Variants in DLGAP1 observed in about 807,000 individuals in gnomAD.
DLGAP1 encodes the protein disks large-associated protein 1.
In DLGAP1, 11 loss-of-function variants were observed where a neutral mutation model predicts 90.8. The ratio of observed to expected loss-of-function variants is 0.12; its 90% confidence interval spans 0.08 to 0.20. DLGAP1 has a LOEUF of 0.20. Ranked by LOEUF, DLGAP1 falls within the 10% of genes least tolerant of loss-of-function variation. DLGAP1 has a pLI of 1.00. For synonymous variants in DLGAP1, 558 were observed against 540.7 expected (o/e 1.03, Z -0.44); for missense variants, 1,050 against 1,333.8 (o/e 0.79, Z 3.31).
intron 1 of DLGAP1, among the ~76,000 whole-genome samples, chr18:4,317,022 C>T (rs545626036): frequency 6.6e-6 from 1 of 152,122 alleles, no homozygotes; most frequent in African/African-American, 2.4e-5. Flanking sequence ...GGTGAGGTCC[C>T]TGCTGGAGAT....
chr18:4,088,652 G>A (rs991884221), intron 2 of DLGAP1, among the ~76,000 whole-genome samples: 1 of 152,052 alleles, frequency 6.6e-6, no homozygotes, highest in African/African-American at 2.4e-5. Flanking sequence ...TTTTTAACCT[G>A]AATTCTGAGT....
intron 2 of DLGAP1, among the ~76,000 whole-genome samples, chr18:4,018,173 G>A (rs937107458): frequency 6.6e-6 from 1 of 152,212 alleles, no homozygotes; most frequent in African/African-American, 2.4e-5. Flanking sequence ...AGGTCTGATT[G>A]TGAGATGGAG....
rs143055839 is a variant in DLGAP1 at position 3,853,061 on chromosome 18, C to T, written c.957+26051G>A. 2.7e-3 allele frequency among the ~76,000 whole-genome samples: 414 copies of T among 152,020 alleles called. 1 individual carries two copies. The highest frequency in any genetic ancestry group is 0.017 in the Middle Eastern group (5 of 292). ...TCTAATTTCTAGAAGAATTTTTATA[C>T]GACAGGGATTACCTCTTCTTGCAGG... On this transcript the variant is annotated intron_variant, in intron 4 of 12. Coordinates refer to ENST00000315677, the MANE Select transcript of DLGAP1 (RefSeq NM_004746.4).
At chr18:3,662,538 G>C (rs2059720794) in intron 7 of DLGAP1, among the ~76,000 whole-genome samples, 1 of 152,206 alleles carries the variant, frequency 6.6e-6, no homozygotes, top group Admixed American at 6.5e-5. Context: ...CTTGGACAAA[G>C]CAGGCAGAGG....
chr18:3,848,321 C>T (rs1468287797), intron 4 of DLGAP1, among the ~76,000 whole-genome samples: 1 of 151,812 alleles, frequency 6.6e-6, no homozygotes. Context: ...AGGAGAAGGA[C>T]AAATATCAAA....
chr18:3,901,232 C>A (rs1281919445), intron 3 of DLGAP1, among the ~76,000 whole-genome samples: 1 of 152,118 alleles, frequency 6.6e-6, no homozygotes, highest in South Asian at 2.1e-4. Context: ...GCCTACACAG[C>A]TCCTACTCAT....
intron 1 of DLGAP1, among the ~76,000 whole-genome samples, chr18:4,229,265 C>T (rs2078251620): frequency 6.6e-6 from 1 of 151,928 alleles, no homozygotes; most frequent in Non-Finnish European, 1.5e-5. Flanking sequence ...CAACAATCTA[C>T]AGATGGAATA....
At chr18:4,326,918 C>T (rs78707045) in intron 1 of DLGAP1, among the ~76,000 whole-genome samples, 1,529 of 152,036 alleles carry the variant, frequency 0.01, 32 homozygotes, top group African/African-American at 0.035. Context: ...TATTACCCAG[C>T]CGACAAAATT....
chr18:4,099,310 TC>T (rs2075737255), intron 2 of DLGAP1, among the ~76,000 whole-genome samples: 1 of 134,000 alleles, frequency 7.5e-6, no homozygotes, highest in Non-Finnish European at 1.6e-5. Context: ...TATCTATCTA[TC>T]TATCTATCTA....
intron 1 of DLGAP1, among the ~76,000 whole-genome samples, chr18:4,385,214 C>T (rs2082205847): frequency 6.6e-6 from 1 of 152,152 alleles, no homozygotes; most frequent in South Asian, 2.1e-4. Flanking sequence ...TTTTCACTCT[C>T]ATTTTCATAT....
intron 7 of DLGAP1, among the ~76,000 whole-genome samples, chr18:3,645,995 T>G (rs2059102567): frequency 1.3e-5 from 2 of 152,228 alleles, no homozygotes; most frequent in African/African-American, 2.4e-5. Context: ...ACAAATACTC[T>G]ATATGAGACT....
At chr18:4,170,731 T>C (rs1375943247) in intron 1 of DLGAP1, among the ~76,000 whole-genome samples, 2 of 152,188 alleles carry the variant, frequency 1.3e-5, no homozygotes, top group African/African-American at 4.8e-5. Flanking sequence ...CTAATCTTTA[T>C]ATAATAATAA....
chr18:3,790,318 A>G (rs1424731850), intron 5 of DLGAP1, among the ~76,000 whole-genome samples: 2 of 147,036 alleles, frequency 1.4e-5, no homozygotes, highest in Non-Finnish European at 3.0e-5. Flanking sequence ...CCCAGGTTGG[A>G]GTACAGTGGC....
intron 7 of DLGAP1, among the ~76,000 whole-genome samples, chr18:3,600,690 CTA>C (rs1491382157): frequency 1.2e-4 from 7 of 59,790 alleles, no homozygotes; most frequent in South Asian, 4.8e-4. Context: ...CTATAGAGAT[CTA>C]TATAGATATC....
chr18:4,196,009 C>T (rs1158038803), intron 1 of DLGAP1, among the ~76,000 whole-genome samples: 4 of 152,196 alleles, frequency 2.6e-5, no homozygotes, highest in Non-Finnish European at 5.9e-5. Flanking sequence ...AGCTGGTTCT[C>T]ATGCCTGTGG....
At chr18:3,693,754 A>C (rs1383326033) in intron 7 of DLGAP1, among the ~76,000 whole-genome samples, 1 of 152,236 alleles carries the variant, frequency 6.6e-6, no homozygotes, top group African/African-American at 2.4e-5. Flanking sequence ...TTTATTGAAA[A>C]GGACAAAAGG....
chr18:4,338,120 T>C (rs1041456052), intron 1 of DLGAP1, among the ~76,000 whole-genome samples: 1 of 152,216 alleles, frequency 6.6e-6, no homozygotes. Context: ...TCTCAGTTTG[T>C]AGATCTTTGA....
At chr18:3,741,014 C>T (rs1214747426) in intron 6 of DLGAP1, among the ~76,000 whole-genome samples, 16 of 122,362 alleles carry the variant, frequency 1.3e-4, no homozygotes, top group East Asian at 1.1e-3. Context: ...ACCACCACCA[C>T]CATCACCACC....
chr18:4,143,308 C>A (rs1397850842), intron 2 of DLGAP1, among the ~76,000 whole-genome samples: 1 of 151,890 alleles, frequency 6.6e-6, no homozygotes, highest in Non-Finnish European at 1.5e-5. Context: ...TATTGTACTG[C>A]AGCTGAGCTG....
Sources: gnomAD v4.1 joint callset for allele counts (sites outside exome capture counted in the v4.1 genomes callset) on GRCh38, gnomAD v4.1.1 for gene constraint, MANE v1.5 for transcripts, NCBI Gene and HGNC (gene_info 2026-07-23, HGNC 2026-07-21) for gene names.